Variants in L3MBTL3 observed in about 807,000 individuals in gnomAD.
L3MBTL3 encodes lethal(3)malignant brain tumor-like protein 3.
Under a neutral mutation model 102.3 loss-of-function variants are expected in L3MBTL3, and 27 were observed. The ratio of observed to expected loss-of-function variants is 0.26; its 90% CI spans 0.19 to 0.36. The LOEUF (loss-of-function observed/expected upper bound fraction) is 0.36, where lower values mean the gene tolerates loss of function less well. Among genes scored for constraint, L3MBTL3 ranks in the 10% least tolerant of loss-of-function variants. The probability of loss-of-function intolerance (pLI) is 1.00; values close to 1 mark genes in which losing one functional copy is unlikely to be tolerated. For synonymous variants in L3MBTL3, 340 were observed against 320.9 expected (o/e 1.06, Z -0.64); for missense variants, 798 against 955.3 (o/e 0.84, Z 2.17).
intron 2 of L3MBTL3, among the ~76,000 whole-genome samples, chr6:130,027,801 C>T (rs1779449045): frequency 6.6e-6 from 1 of 152,098 alleles, no homozygotes; most frequent in Non-Finnish European, 1.5e-5. Context: ...AATTTTAGTT[C>T]ATGCATATTT....
chr6:130,081,036 C>T (rs1783306630), intron 14 of L3MBTL3, among the ~76,000 whole-genome samples: 1 of 152,272 alleles, frequency 6.6e-6, no homozygotes, highest in African/African-American at 2.4e-5. Context: ...CAGATTTCTG[C>T]ATCCACTAAG....
chr6:130,115,280 G>T (rs370674261), intron 19 of L3MBTL3, among the ~76,000 whole-genome samples: 1 of 152,104 alleles, frequency 6.6e-6, no homozygotes, highest in Non-Finnish European at 1.5e-5. Context: ...TTGAGCTGCC[G>T]CAAGGTAGCC....
chr6:130,057,949 C>T (rs1781619230), intron 9 of L3MBTL3, among the ~76,000 whole-genome samples: 1 of 151,658 alleles, frequency 6.6e-6, no homozygotes, highest in Admixed American at 6.6e-5. Flanking sequence ...CGAGACCATC[C>T]TGGCTAACAA....
Position 130,031,596 on chromosome 6 carries a change from A to G in L3MBTL3, c.-16+9291A>G, listed in dbSNP as rs948398853. Among the ~76,000 whole-genome samples, 4 of 152,284 alleles carry G rather than the reference A, an allele frequency of 2.6e-5. 1 individual carries two copies. Among genetic ancestry groups the G allele is most frequent in the Admixed American group, 1.3e-4 (2 of 15,300 alleles). On this transcript the variant is annotated intron_variant, in intron 2 of 22. Transcript: ENST00000361794. ...GTAAAAGTTGTGTTTTGGGGAGCAG[A>G]CTTTGTGGAATGTTGCCCTAGCCTT...
chr6:130,124,114 G>A (rs759296977), intron 20 of L3MBTL3, among the ~76,000 whole-genome samples: 22 of 152,160 alleles, frequency 1.4e-4, no homozygotes, highest in Non-Finnish European at 3.1e-4. Flanking sequence ...TGCAGGTGGC[G>A]GTTCGGAGTT....
intron 19 of L3MBTL3, among the ~76,000 whole-genome samples, chr6:130,107,881 A>G (rs1449809726): frequency 2.6e-5 from 4 of 152,202 alleles, no homozygotes; most frequent in African/African-American, 7.2e-5. Context: ...ATGGCCATCT[A>G]AGCTCTTAAT....
intron 16 of L3MBTL3, among the ~76,000 whole-genome samples, chr6:130,092,262 G>A (rs753939909): frequency 7.9e-5 from 12 of 152,074 alleles, no homozygotes; most frequent in Non-Finnish European, 4.4e-5. Context: ...GTGTCTAGCA[G>A]GCTTTTTTTT....
chr6:130,135,209 C>T (rs981526737), intron 22 of L3MBTL3, among the ~76,000 whole-genome samples: 10 of 151,714 alleles, frequency 6.6e-5, no homozygotes, highest in East Asian at 1.9e-4. Flanking sequence ...TACAGGTGCC[C>T]GCCACCACGC....
chr6:130,122,754 T>C (rs1786319830), intron 20 of L3MBTL3, among the ~76,000 whole-genome samples: 2 of 150,530 alleles, frequency 1.3e-5, no homozygotes, highest in Admixed American at 1.3e-4. Flanking sequence ...GGTAAGAGCA[T>C]GGCCTTCATT....
At chr6:130,111,972 T>C (rs144530951) in intron 19 of L3MBTL3, among the ~76,000 whole-genome samples, 49 of 152,352 alleles carry the variant, frequency 3.2e-4, no homozygotes, top group African/African-American at 1.2e-3. Flanking sequence ...AGGCTCTTTT[T>C]TCAACCTATG....
At chr6:130,065,453 C>T (rs1292852370) in intron 10 of L3MBTL3, among the ~76,000 whole-genome samples, 1 of 152,164 alleles carries the variant, frequency 6.6e-6, no homozygotes, top group Non-Finnish European at 1.5e-5. Context: ...GTTATGTGTT[C>T]TACCACTTGA....
intron 2 of L3MBTL3, among the ~76,000 whole-genome samples, chr6:130,041,607 A>T (rs1343875282): frequency 6.6e-6 from 1 of 152,142 alleles, no homozygotes; most frequent in Non-Finnish European, 1.5e-5. Flanking sequence ...AGTTTATCTG[A>T]TGTGTTTCAG....
At chr6:130,068,022 T>G (rs1782379209) in intron 11 of L3MBTL3, among the ~76,000 whole-genome samples, 1 of 152,220 alleles carries the variant, frequency 6.6e-6, no homozygotes, top group Non-Finnish European at 1.5e-5. Context: ...TCTATACCGC[T>G]GAGGAATTCT....
At chr6:130,092,441 T>C (rs1784116112) in intron 16 of L3MBTL3, among the ~76,000 whole-genome samples, 1 of 152,164 alleles carries the variant, frequency 6.6e-6, no homozygotes, top group African/African-American at 2.4e-5. Context: ...GAAGATGTTA[T>C]AACAGTTCCT....
chr6:130,108,232 T>G (rs13192331), intron 19 of L3MBTL3, among the ~76,000 whole-genome samples: 41 of 21,972 alleles, frequency 1.9e-3, no homozygotes, highest in Middle Eastern at 0.029. Context: ...TTTTTTTTTG[T>G]TTTTTTTTTT....
At chr6:130,055,076 G>T (rs13204752) in intron 7 of L3MBTL3, 95 bp from the exon 8 acceptor site, 66,294 of 865,790 alleles carry the variant, frequency 0.077, 3,117 homozygotes, top group Non-Finnish European at 0.1. Context: ...CTGAAGAAAA[G>T]AACAACAGAA....
intron 1 of L3MBTL3, among the ~76,000 whole-genome samples, chr6:130,019,709 A>C (rs1778820126): frequency 6.6e-6 from 1 of 150,654 alleles, no homozygotes; most frequent in South Asian, 2.1e-4. Flanking sequence ...CCTCTTCCCA[A>C]CCGAGTGTGT....
At chr6:130,049,950 G>C in intron 5 of L3MBTL3, 120 bp downstream of exon 5, 1 of 1,262,044 alleles carries the variant, frequency 7.9e-7, no homozygotes, top group South Asian at 1.7e-5. Flanking sequence ...CATCCACCCA[G>C]TGGACAAGCA....
rs190971819 is a variant in L3MBTL3, at chr6:130,087,960, G to C, written c.1518+1710G>C. Among the ~76,000 whole-genome samples, 129 of 151,952 alleles carry C rather than the reference G, an allele frequency of 8.5e-4. 1 individual carries two copies. Among genetic ancestry groups the C allele is most frequent in the Non-Finnish European group, 1.4e-3 (93 of 67,960 alleles). The stretch of plus-strand genomic sequence containing the variant: ...AATGGTTAGGTTTTTTACTTGTTTA[G>C]TTTCTGGAATATATATTACTTTTAT... On this transcript the variant is annotated intron_variant, in intron 16 of 22. Coordinates refer to ENST00000361794, the MANE Select transcript of L3MBTL3 (RefSeq NM_032438.4).
Sources: gnomAD v4.1 joint callset for allele counts (sites outside exome capture counted in the v4.1 genomes callset) on GRCh38, gnomAD v4.1.1 for gene constraint, MANE v1.5 for transcripts, NCBI Gene and HGNC (gene_info 2026-07-23, HGNC 2026-07-21) for gene names.